The following HMGN3 variants were observed in gnomAD, a reference collection of about 807,000 sequenced individuals.
HMGN3 encodes the protein high mobility group nucleosomal binding domain 3, also known as high mobility group nucleosome-binding domain-containing protein 3.
HMGN3 carries 6 observed loss-of-function variants against 18.8 expected under a neutral mutation model. The observed-to-expected ratio is 0.32, with a 90% CI of 0.18 to 0.63. The LOEUF (loss-of-function observed/expected upper bound fraction) is 0.63. Ranked by LOEUF, HMGN3 falls within the 30% of genes least tolerant of loss-of-function variation. HMGN3 has a pLI of 0.79. For synonymous variants in HMGN3, 40 were observed against 36.5 expected (o/e 1.10, Z -0.35); for missense variants, 107 against 114.2 (o/e 0.94, Z 0.29).
exon 1 of HMGN3, chr6:79,234,682 C>G (rs1158295760): frequency 7.0e-6 from 6 of 857,414 alleles, no homozygotes; most frequent in Non-Finnish European, 1.1e-5. Flanking sequence ...CCGGCCTCTT[C>G]GACCTGCACC....
intron 1 of HMGN3, among the ~76,000 whole-genome samples, chr6:79,225,957 T>G (rs1777545160): frequency 6.6e-6 from 1 of 152,234 alleles, no homozygotes; most frequent in Non-Finnish European, 1.5e-5. Flanking sequence ...AATAAAGATA[T>G]TTTAAACAAA....
intron 1 of HMGN3, among the ~76,000 whole-genome samples, chr6:79,217,213 C>T (rs796492359): frequency 5.9e-5 from 9 of 152,344 alleles, no homozygotes; most frequent in African/African-American, 2.2e-4. Flanking sequence ...TGGCAATCTA[C>T]CACAATGGCT....
rs542422572 is a variant in HMGN3, at chr6:79,223,661, T to C, written c.16-8639A>G. Among the ~76,000 whole-genome samples the C allele has an allele frequency of 2.0e-5, 3 of 152,120 alleles. No homozygotes were observed. The South Asian group carries it at 6.2e-4, about 32-fold the overall frequency. Reference sequence around the variant, plus strand: ...GTGGAGGCTGCACTGCACTCTAGCCTGTCTTGTCTCAAAAAAAGAAAGAAG... The same window carrying C: ...GTGGAGGCTGCACTGCACTCTAGCCCGTCTTGTCTCAAAAAAAGAAAGAAG... On this transcript the variant is annotated intron_variant, in intron 1 of 5. Coordinates refer to ENST00000344726, the Ensembl canonical transcript of HMGN3.
chr6:79,225,324 A>G (rs552502820), intron 1 of HMGN3, among the ~76,000 whole-genome samples: 2 of 152,342 alleles, frequency 1.3e-5, no homozygotes, highest in Admixed American at 6.5e-5. Context: ...TCAAAATATA[A>G]TTTTAAAATA....
chr6:79,216,775 C>T (rs1462225029), intron 1 of HMGN3, among the ~76,000 whole-genome samples: 1 of 152,050 alleles, frequency 6.6e-6, no homozygotes, highest in Non-Finnish European at 1.5e-5. Flanking sequence ...CTAGGTGGAC[C>T]ACTGGTCTTT....
chr6:79,213,420 C>T (rs1223036331), intron 2 of HMGN3, among the ~76,000 whole-genome samples: 3 of 152,154 alleles, frequency 2.0e-5, no homozygotes, highest in African/African-American at 7.2e-5. Context: ...TTTTGACTGA[C>T]AAATCAATTT....
intron 4 of HMGN3, among the ~76,000 whole-genome samples, chr6:79,203,328 C>G (rs1002843836): frequency 1.3e-4 from 20 of 152,186 alleles, no homozygotes; most frequent in African/African-American, 4.8e-4. Flanking sequence ...CACGAGGCTG[C>G]TGCCAAACCC....
intron 2 of HMGN3, 94 bp from the exon 3 acceptor site, chr6:79,208,670 T>G: frequency 1.0e-6 from 1 of 955,336 alleles, no homozygotes; most frequent in South Asian, 1.3e-5. Flanking sequence ...CCTTACTTTG[T>G]TGAATGACTA....
intron 3 of HMGN3, among the ~76,000 whole-genome samples, chr6:79,207,043 C>T (rs1020713240): frequency 1.3e-5 from 2 of 152,116 alleles, no homozygotes; most frequent in African/African-American, 4.8e-5. Context: ...TATCTGTATC[C>T]CCATTTTACC....
rs1281609383 is a variant in HMGN3 at position 79,229,726 on chromosome 6, A to T, written c.15+4820T>A. Among the ~76,000 whole-genome samples, 3 of 152,232 alleles carry T rather than the reference A, an allele frequency of 2.0e-5. No homozygotes were observed. In the East Asian group the frequency reaches 5.8e-4, roughly 29 times the overall value. ...CCCCGTGTATACTAAAAATACAAAA[A>T]AATTAGCCGGGCGTAGTGGCGGGCG... is the stretch of plus-strand genomic sequence containing the variant. On this transcript the variant is annotated intron_variant, in intron 1 of 5. Transcript: ENST00000344726.
intron 2 of HMGN3, among the ~76,000 whole-genome samples, chr6:79,214,510 T>C (rs1776871417): frequency 6.6e-6 from 1 of 152,182 alleles, no homozygotes; most frequent in African/African-American, 2.4e-5. Flanking sequence ...CTATAGTTTT[T>C]GATTTTAGAG....
At chr6:79,229,791 T>C (rs1309810856) in intron 1 of HMGN3, among the ~76,000 whole-genome samples, 1 of 151,868 alleles carries the variant, frequency 6.6e-6, no homozygotes, top group Admixed American at 6.6e-5. Flanking sequence ...GGCAGGAGAA[T>C]GGTGTGAACC....
intron 2 of HMGN3, among the ~76,000 whole-genome samples, chr6:79,212,059 T>G (rs1297128537): frequency 1.8e-5 from 2 of 113,008 alleles, no homozygotes; most frequent in Non-Finnish European, 3.9e-5. Flanking sequence ...AAAAAAAAAA[T>G]GCCTAAAAAG....
At chr6:79,213,274 A>G (rs1212079254) in intron 2 of HMGN3, among the ~76,000 whole-genome samples, 1 of 151,922 alleles carries the variant, frequency 6.6e-6, no homozygotes, top group Non-Finnish European at 1.5e-5. Flanking sequence ...ATAAAATAAT[A>G]TGTATAAGAC....
chr6:79,209,787 T>C (rs1208732752), intron 2 of HMGN3, among the ~76,000 whole-genome samples: 2 of 152,220 alleles, frequency 1.3e-5, no homozygotes, highest in Non-Finnish European at 2.9e-5. Flanking sequence ...TCTAAGAACT[T>C]TCTTGCTGAA....
chr6:79,215,060 G>A, intron 1 of HMGN3, 38 bp from the exon 2 acceptor site: 1 of 1,146,752 alleles, frequency 8.7e-7, no homozygotes, highest in South Asian at 1.4e-5. Flanking sequence ...TATTTAAATT[G>A]GAAAACACAC....
intron 1 of HMGN3, among the ~76,000 whole-genome samples, chr6:79,231,234 C>T (rs1777823784): frequency 1.3e-5 from 2 of 152,182 alleles, no homozygotes; most frequent in South Asian, 4.1e-4. Context: ...GACTCTAGGC[C>T]TCGCTGGCTC....
chr6:79,207,303 G>A (rs1218350272), intron 3 of HMGN3, among the ~76,000 whole-genome samples: 1 of 152,186 alleles, frequency 6.6e-6, no homozygotes, highest in African/African-American at 2.4e-5. Context: ...CAGTTCCCAT[G>A]TGTCATGGGA....
chr6:79,224,653 A>G lies in HMGN3; in HGVS notation c.16-9631T>C, dbSNP rs116502834. Among the ~76,000 whole-genome samples the G allele has an allele frequency of 3.6e-3, 547 of 152,252 alleles. 3 individuals carry two copies. Among genetic ancestry groups the G allele is most frequent in the African/African-American group, 0.011 (477 of 41,536 alleles). ...TATGGTTGTTGCATTTGATGCTTTC[A>G]ATATTTCTGAGATAAACAGGGGCAC... On this transcript the variant is annotated intron_variant, in intron 1 of 5. Transcript: ENST00000344726.
Sources: gnomAD v4.1 joint callset for allele counts (sites outside exome capture counted in the v4.1 genomes callset) on GRCh38, gnomAD v4.1.1 for gene constraint, MANE v1.5 for transcripts, NCBI Gene and HGNC (gene_info 2026-07-23, HGNC 2026-07-21) for gene names.